Variants in FRMPD2 observed in about 807,000 individuals in gnomAD.
FRMPD2 encodes FERM and PDZ domain-containing protein 2.
FRMPD2 carries 96 observed loss-of-function variants against 140.1 expected under a neutral mutation model. The ratio of observed to expected loss-of-function variants is 0.69; its 90% confidence interval spans 0.58 to 0.81. FRMPD2 has a LOEUF of 0.81. Among genes scored for constraint, FRMPD2 ranks in the 40% least tolerant of loss-of-function variants. The probability of loss-of-function intolerance (pLI) is 0.00; values close to 1 mark genes in which losing one functional copy is unlikely to be tolerated. For missense variants in FRMPD2, 1,240 were observed against 1,447.4 expected (o/e 0.86, Z 2.32); for synonymous variants, 449 against 547.6 (o/e 0.82, Z 2.52).
chr10:48,165,173 C>CATTCAGT (rs1331965114), intron 27 of FRMPD2, among the ~76,000 whole-genome samples: 5 of 131,964 alleles, frequency 3.8e-5, no homozygotes, highest in African/African-American at 1.5e-4. Context: ...TCTCTGTGTC[C>CATTCAGT]TTAATCCATT....
intron 27 of FRMPD2, among the ~76,000 whole-genome samples, chr10:48,164,706 A>G (rs1838049254): frequency 1.3e-5 from 2 of 150,216 alleles, no homozygotes; most frequent in African/African-American, 5.0e-5. Context: ...AAAAATCAAA[A>G]TTTTAAGAAG....
intron 6 of FRMPD2, 71 bp downstream of exon 6, chr10:48,240,289 C>T (rs1840074071): frequency 1.3e-6 from 2 of 1,525,868 alleles, no homozygotes; most frequent in East Asian, 2.3e-5. Context: ...GATGTGTAGC[C>T]CATACAGGGC....
At chr10:48,167,017 GT>G (rs1172969449) in intron 27 of FRMPD2, among the ~76,000 whole-genome samples, 1 of 61,034 alleles carries the variant, frequency 1.6e-5, no homozygotes, top group African/African-American at 6.7e-5. Context: ...ATTTGTGTGT[GT>G]GAAATTTGGC....
chr10:48,239,437 T>C (rs1183586161), intron 7 of FRMPD2, among the ~76,000 whole-genome samples, 168 bp downstream of exon 7: 2 of 152,240 alleles, frequency 1.3e-5, no homozygotes, highest in African/African-American at 4.8e-5. Flanking sequence ...TATCTTGGCT[T>C]CGGATCTGCT....
At position 48,174,467 on chromosome 10, in the gene FRMPD2, C is replaced by T. The variant is rs2579670; in HGVS notation, c.3075+403G>A. Among the ~76,000 whole-genome samples, 774 of 152,166 alleles carry T rather than the reference C, an allele frequency of 5.1e-3. 4 individuals are homozygous for T. Among genetic ancestry groups the T allele is most frequent in the East Asian group, 0.034 (176 of 5,154 alleles). Reference sequence around the variant, plus strand: ...GAGGGGGAATGGCATGAACAGGGAACGGAGTGGGGTCATCCTATGCAAACG... The same window carrying T: ...GAGGGGGAATGGCATGAACAGGGAATGGAGTGGGGTCATCCTATGCAAACG... On this transcript the variant is annotated intron_variant, in intron 24 of 28. Transcript: ENST00000374201.
At chr10:48,184,747 C>T (rs769376317) in intron 19 of FRMPD2, 27 bp downstream of exon 19, 1 of 1,597,118 alleles carries the variant, frequency 6.3e-7, no homozygotes, top group Non-Finnish European at 8.6e-7. Context: ...CTTAAAACAG[C>T]ATCTCTAGTA....
intron 15 of FRMPD2, among the ~76,000 whole-genome samples, chr10:48,194,212 G>A (rs34107309): frequency 0.026 from 4,023 of 152,286 alleles, 76 homozygotes; most frequent in Middle Eastern, 0.044. Context: ...CTATGGGGTA[G>A]ATATTATTAT....
intron 24 of FRMPD2, among the ~76,000 whole-genome samples, chr10:48,173,942 C>A (rs1483743300): frequency 6.6e-6 from 1 of 152,196 alleles, no homozygotes; most frequent in Non-Finnish European, 1.5e-5. Context: ...CCCAGAGGGA[C>A]AATTCCTACC....
intron 10 of FRMPD2, among the ~76,000 whole-genome samples, chr10:48,224,399 G>A (rs888590008): frequency 6.6e-6 from 1 of 152,194 alleles, no homozygotes; most frequent in Non-Finnish European, 1.5e-5. Flanking sequence ...GTTTTGGAAG[G>A]CAGAACTTTT....
At chr10:48,193,193 G>A (rs553410203) in intron 15 of FRMPD2, among the ~76,000 whole-genome samples, 3 of 152,318 alleles carry the variant, frequency 2.0e-5, no homozygotes, top group South Asian at 2.1e-4. Flanking sequence ...GAGTATTTGC[G>A]GGTGTGTCGG....
upstream of FRMPD2, chr10:48,274,847 C>A: frequency 2.2e-6 from 1 of 460,958 alleles, no homozygotes; most frequent in South Asian, 3.3e-5. Context: ...AGCCAGTGAC[C>A]CGTGAGAGAG....
chr10:48,232,798 C>T (rs1001974955), intron 9 of FRMPD2, among the ~76,000 whole-genome samples: 8 of 152,200 alleles, frequency 5.3e-5, no homozygotes, highest in African/African-American at 1.9e-4. Context: ...AAGGGGATTA[C>T]CTAGACTCTA....
rs575940213 is a variant in FRMPD2, at chr10:48,183,116, G to A, written c.2584+1450C>T. The stretch of plus-strand genomic sequence containing the variant: ...ACTGTGTACAGGTACAAGAGTGAGA[G>A]AGCATGCATGCAGAAGTGTTCAGAA... On this transcript the variant is annotated intron_variant, in intron 20 of 28. Coordinates refer to ENST00000374201, the MANE Select transcript of FRMPD2 (RefSeq NM_001018071.4). Among the ~76,000 whole-genome samples the A allele has an allele frequency of 7.9e-5, 12 of 152,344 alleles. No individual in the cohort carries two copies. The South Asian group carries it at 2.5e-3, about 32-fold the overall frequency.
At position 48,263,084 on chromosome 10, in the gene FRMPD2, T is replaced by C. The variant is rs1367768116; in HGVS notation, c.26-11393A>G. On this transcript the variant is annotated intron_variant, in intron 1 of 28. Transcript: ENST00000374201. Reference sequence around the variant, plus strand: ...AACAGCAAATGGGTCAAAAAGGAAATCTCAAGATAAAATAAAAAATATTTT... The same window carrying C: ...AACAGCAAATGGGTCAAAAAGGAAACCTCAAGATAAAATAAAAAATATTTT... 2.0e-5 allele frequency among the ~76,000 whole-genome samples: 3 copies of C among 151,884 alleles called. No individual in the cohort carries two copies. In the East Asian group the frequency reaches 5.8e-4, roughly 29 times the overall value.
chr10:48,246,956 C>G (rs1016436494), intron 3 of FRMPD2, among the ~76,000 whole-genome samples: 3 of 152,170 alleles, frequency 2.0e-5, no homozygotes, highest in African/African-American at 7.2e-5. Context: ...CCCTTAAAGC[C>G]CACTCCACTT....
intron 5 of FRMPD2, 64 bp from the exon 6 acceptor site, chr10:48,240,556 A>T (rs1840084272): frequency 1.9e-6 from 3 of 1,596,880 alleles, no homozygotes; most frequent in Non-Finnish European, 2.6e-6. Flanking sequence ...TTATAGATAC[A>T]TGCAAACTGG....
rs542714561 is a variant in FRMPD2 at position 48,238,067 on chromosome 10, C to T, written c.845G>A (p.Gly282Glu). 48 of 1,613,990 alleles carry T rather than the reference C, an allele frequency of 3.0e-5. No individual in the cohort carries two copies. The highest frequency in any genetic ancestry group is 2.5e-4 in the South Asian group (23 of 91,080). Reference sequence around the variant, plus strand: ...GCTGTCTGCTGCCGAGTGCACAGATCCAGAGCTGAGCCTCCGGCCCGCCTG... The same window carrying T: ...GCTGTCTGCTGCCGAGTGCACAGATTCAGAGCTGAGCCTCCGGCCCGCCTG... ...DQQAGRRLSS[G>E]SVHSAADSSW... The change falls in exon 8 of 29, where the codon GGA becomes GAA. Residue 282 changes from glycine to glutamate, a missense_variant. By Grantham distance (98) the Gly-to-Glu change is moderately conservative. Transcript: ENST00000374201.
chr10:48,200,370 G>T (rs1276588153), intron 15 of FRMPD2, among the ~76,000 whole-genome samples: 3 of 152,044 alleles, frequency 2.0e-5, no homozygotes, highest in South Asian at 4.2e-4. Context: ...AGTCAGAACT[G>T]CACCGCATCA....
At chr10:48,267,070 C>G (rs1047989350) in intron 1 of FRMPD2, among the ~76,000 whole-genome samples, 1 of 152,162 alleles carries the variant, frequency 6.6e-6, no homozygotes, top group African/African-American at 2.4e-5. Flanking sequence ...TCTGTCCATA[C>G]AGTATCAGGG....
Sources: allele counts gnomAD v4.1 joint callset (sites outside exome capture counted in the v4.1 genomes callset), GRCh38; gene constraint gnomAD v4.1.1; transcripts MANE v1.5; gene names NCBI Gene and HGNC (gene_info 2026-07-23, HGNC 2026-07-21).